APOL2: variants seen among roughly 807,000 people sequenced by gnomAD.
APOL2 encodes the protein apolipoprotein L2.
In APOL2, 8 loss-of-function variants were observed where a neutral mutation model predicts 7.1. The observed-to-expected ratio is 1.12, with a 90% CI of 0.66 to 2.03. The LOEUF (loss-of-function observed/expected upper bound fraction) is 2.03. Ranked by LOEUF, APOL2 falls within the 30% of genes most tolerant of loss-of-function variation. APOL2 has a pLI of 0.00. For synonymous variants in APOL2, 177 were observed against 159.9 expected, an observed-to-expected ratio of 1.11 and a Z score of -0.81; for missense variants, 471 against 415.1, an observed-to-expected ratio of 1.13 and a Z score of -1.17.
In APOL2 at chr22:36,227,849, T is replaced by C. The variant is rs886310377; in HGVS notation, c.569A>G (p.Asn190Ser). The change falls in exon 5 of 5, where the codon AAT becomes AGT. Residue 190 changes from asparagine (N) to serine (S), a missense_variant. Transcript: ENST00000358502. ...QARNLDQSGTNVAKVMKEFVG... is the reference protein window; with the variant it reads ...QARNLDQSGTSVAKVMKEFVG... The stretch of plus-strand genomic sequence containing the variant: ...AAACTCCTTCATCACCTTTGCTACA[T>C]TGGTGCCGCTTTGGTCCAAGTTGCG... The C allele has an allele frequency of 6.8e-6, 11 of 1,614,208 alleles. No individual in the cohort carries two copies. Among genetic ancestry groups the C allele is most frequent in the African/African-American group, 6.7e-5 (5 of 75,054 alleles).
At chr22:36,231,248 G>A in intron 4 of APOL2, 92 bp downstream of exon 4, 2 of 1,520,710 alleles carry the variant, frequency 1.3e-6, no homozygotes, top group East Asian at 2.3e-5. Context: ...GGGGCTGCCT[G>A]GAGGAGGTGT....
In APOL2 at chr22:36,233,405, G is replaced by T. The variant is rs532980977; in HGVS notation, c.-83C>A. ...GCTAGTATTTACAGAAACTCACCTCGTTCCAGCTTCCTCTTCCCTCACTCT... is the reference window on the plus strand; with the variant it reads ...GCTAGTATTTACAGAAACTCACCTCTTTCCAGCTTCCTCTTCCCTCACTCT... On this transcript the variant is annotated 5_prime_UTR_variant, in exon 2 of 5. Coordinates refer to ENST00000358502, the MANE Select transcript of APOL2 (RefSeq NM_030882.4). 1.9e-6 allele frequency: 3 copies of T among 1,552,150 alleles called. No homozygotes were observed. In the South Asian group the frequency reaches 3.5e-5, roughly 18 times the overall value.
In APOL2 at chr22:36,233,461, G is replaced by A. The variant is rs1485277744; in HGVS notation, c.-133-6C>T. 5 of 1,549,388 alleles carry A rather than the reference G, an allele frequency of 3.2e-6. No homozygotes were observed. Among genetic ancestry groups the A allele is most frequent in the Non-Finnish European group, 4.4e-6 (5 of 1,146,944 alleles). ...CAAGGCAGGGTCCTCTTGTCCTGTA[G>A]GGGTATGAGAAGAAGATAATCAGAG... On this transcript the variant is annotated splice_polypyrimidine_tract_variant and splice_region_variant and intron_variant, in intron 1 of 4. Transcript: ENST00000358502.
At chr22:36,233,035 C>G (rs1333251356) in intron 3 of APOL2, 118 bp downstream of exon 3, 2 of 1,052,916 alleles carry the variant, frequency 1.9e-6, no homozygotes, top group Admixed American at 3.5e-5. Flanking sequence ...CTGCTCGGGG[C>G]AGACTCATTG....
At chr22:36,237,030 C>A in intron 1 of APOL2, 2 of 1,444,024 alleles carry the variant, frequency 1.4e-6, no homozygotes, top group South Asian at 1.5e-5. Flanking sequence ...AGAAGAGGAG[C>A]AGGAGGGCAG....
At chr22:36,231,896 C>G (rs2015238324) in intron 3 of APOL2, among the ~76,000 whole-genome samples, 1 of 152,212 alleles carries the variant, frequency 6.6e-6, no homozygotes, top group African/African-American at 2.4e-5. Flanking sequence ...CCCCACTGGG[C>G]CCAACTGGCT....
chr22:36,238,811 G>A (rs1307136190), intron 1 of APOL2, among the ~76,000 whole-genome samples: 1 of 152,168 alleles, frequency 6.6e-6, no homozygotes, highest in Non-Finnish European at 1.5e-5. Context: ...ACAGAGGTGA[G>A]GGCCAGAGAC....
intron 1 of APOL2, among the ~76,000 whole-genome samples, chr22:36,233,709 C>T (rs2015309575): frequency 2.0e-5 from 3 of 152,304 alleles, no homozygotes; most frequent in South Asian, 2.1e-4. Context: ...CCCATTTGAA[C>T]ACAGAGGAAT....
Position 36,227,583 on chromosome 22 carries a change from T to G in APOL2, c.835A>C (p.Thr279Pro), listed in dbSNP as rs772205206. 1.9e-6 allele frequency: 3 copies of G among 1,614,248 alleles called. No homozygotes were observed. The highest frequency in any genetic ancestry group is 2.5e-6 in the Non-Finnish European group (3 of 1,180,044). Residue 279 changes from threonine (T) to proline (P), a missense_variant, in exon 5 of 5, where the codon ACT becomes CCT. By Grantham distance (38) the Thr-to-Pro change is conservative (BLOSUM62 -1). Coordinates refer to ENST00000358502, the MANE Select transcript of APOL2 (RefSeq NM_030882.4). The part of the protein sequence containing the change: ...SRGTMIVGAA[T>P]GGILLLLDVV... ...TCCAGCAGAAGCAAGATGCCTCCAG[T>G]GGCTGCACCCACGATCATGGTTCCT...
At chr22:36,231,936 G>A (rs904333272) in intron 3 of APOL2, among the ~76,000 whole-genome samples, 1 of 152,148 alleles carries the variant, frequency 6.6e-6, no homozygotes, top group Non-Finnish European at 1.5e-5. Flanking sequence ...TTCCATCCCT[G>A]AGCCTGTGCT....
chr22:36,229,636 G>A (rs1392729610), intron 4 of APOL2, among the ~76,000 whole-genome samples: 5 of 152,200 alleles, frequency 3.3e-5, no homozygotes, highest in Admixed American at 6.5e-5. Context: ...AGTGAGTTAC[G>A]TGAGTCCTTC....
intron 4 of APOL2, among the ~76,000 whole-genome samples, chr22:36,230,516 A>G (rs2015182538): frequency 1.3e-5 from 2 of 152,058 alleles, no homozygotes; most frequent in Admixed American, 1.3e-4. Context: ...CTGGTGCCCC[A>G]GCCTTCCTGC....
In APOL2 at chr22:36,239,451, T is replaced by A; in HGVS notation, c.-144A>T. 2.6e-6 allele frequency: 4 copies of A among 1,526,208 alleles called. No homozygotes were observed. Among genetic ancestry groups the A allele is most frequent in the Non-Finnish European group, 3.5e-6 (4 of 1,156,766 alleles). 94.5% of individuals were successfully genotyped at this position (1,526,208 alleles called of 1,614,324 possible). On this transcript the variant is annotated 5_prime_UTR_variant, in exon 1 of 5. Coordinates refer to ENST00000358502, the MANE Select transcript of APOL2 (RefSeq NM_030882.4). Reference sequence around the variant, plus strand: ...CTATCCCCAACTTACCAAGGGATCTTCCTCTGACAGAGACTGAGCAAGATC... The same window carrying A: ...CTATCCCCAACTTACCAAGGGATCTACCTCTGACAGAGACTGAGCAAGATC...
intron 1 of APOL2, among the ~76,000 whole-genome samples, chr22:36,235,636 G>C (rs1404275852): frequency 6.6e-6 from 1 of 151,942 alleles, no homozygotes; most frequent in Non-Finnish European, 1.5e-5. Flanking sequence ...AAACCAAAAA[G>C]ATGACAGAGG....
chr22:36,239,229 CCT>C, intron 1 of APOL2: 7 of 1,346,646 alleles, frequency 5.2e-6, no homozygotes, highest in Non-Finnish European at 6.7e-6. Context: ...GTTTTCCCCA[CCT>C]CTCTCTACAG....
intron 1 of APOL2, 31 bp from the exon 2 acceptor site, chr22:36,233,486 G>C (rs1322885054): frequency 2.6e-6 from 4 of 1,533,146 alleles, no homozygotes; most frequent in Admixed American, 3.9e-5. Context: ...GATAATCAGA[G>C]GAGGGGCAGC....
chr22:36,231,456 G>A lies in APOL2; in HGVS notation c.21C>T (p.Ile7=), dbSNP rs746932383. The A allele has an allele frequency of 5.6e-6, 9 of 1,611,984 alleles. No homozygotes were observed. In the African/African-American group the frequency reaches 1.1e-4, roughly 20 times the overall value. Reference sequence around the variant, plus strand: ...AATACTTAAGGTAATCCTCAATAAAGATACTGCTCTCTAGTTGGAAAGAAG... The same window carrying A: ...AATACTTAAGGTAATCCTCAATAAAAATACTGCTCTCTAGTTGGAAAGAAG... MNPESS[I]FIEDYLKYFQ... Residue 7 remains isoleucine, a synonymous_variant, in exon 4 of 5, where the codon ATC becomes ATT. Coordinates refer to ENST00000358502, the MANE Select transcript of APOL2 (RefSeq NM_030882.4).
intron 3 of APOL2, among the ~76,000 whole-genome samples, chr22:36,232,321 G>A (rs2015250058): frequency 1.3e-5 from 2 of 152,208 alleles, no homozygotes; most frequent in African/African-American, 4.8e-5. Flanking sequence ...ATGGGAATGA[G>A]GCCCTGCCTG....
At chr22:36,235,592 T>C (rs1481336882) in intron 1 of APOL2, among the ~76,000 whole-genome samples, 4 of 152,072 alleles carry the variant, frequency 2.6e-5, no homozygotes, top group African/African-American at 4.8e-5. Context: ...AGAGAGACCA[T>C]GTGAAAGAAA....
Sources: gnomAD v4.1 joint callset for allele counts (sites outside exome capture counted in the v4.1 genomes callset) on GRCh38, gnomAD v4.1.1 for gene constraint, MANE v1.5 for transcripts, NCBI Gene and HGNC (gene_info 2026-07-23, HGNC 2026-07-21) for gene names.